PRAMEF15: variants seen among roughly 807,000 people sequenced by gnomAD.
PRAMEF15 encodes the protein PRAME family member 15.
In PRAMEF15, 21 loss-of-function variants were observed where a neutral mutation model predicts 35.3. That is an observed-to-expected ratio of 0.59 (90% CI 0.42 to 0.86). The LOEUF (loss-of-function observed/expected upper bound fraction) is 0.86, where lower values mean the gene tolerates loss of function less well. PRAMEF15 is among the 40% of genes least tolerant of loss of function. The pLI is 0.00. For missense variants in PRAMEF15, 360 were observed against 574.1 expected, an observed-to-expected ratio of 0.63 and a Z score of 3.81; for synonymous variants, 122 against 223.3, an observed-to-expected ratio of 0.55 and a Z score of 4.05.
At chr1:13,321,647 A>AC in intron 3 of PRAMEF15, 56 bp from the exon 4 acceptor site, 1 of 1,583,186 alleles carries the variant, frequency 6.3e-7, no homozygotes, top group South Asian at 1.1e-5. Flanking sequence ...ATTCCCCACC[A>AC]CCCTCCACTC....
In PRAMEF15 at chr1:13,315,636, C is replaced by G. The variant is rs1639992851; in HGVS notation, c.-39C>G. The G allele has an allele frequency of 6.6e-6, 1 of 151,534 alleles. No homozygotes were observed. The highest frequency in any genetic ancestry group is 1.5e-5 in the Non-Finnish European group (1 of 67,778). 9.4% of individuals were successfully genotyped at this position (151,534 alleles called of 1,614,324 possible). A position where few individuals can be genotyped will look rare whatever the true frequency, so the allele number is the denominator to read the frequency against. On this transcript the variant is annotated 5_prime_UTR_variant, in exon 1 of 4. Transcript: ENST00000376152. Reference sequence around the variant, plus strand: ...TTGGTTCTTCCTGAGGTCTGAGCACCTTCTAGACTACATCCAGATCTGGTA... The same window carrying G: ...TTGGTTCTTCCTGAGGTCTGAGCACGTTCTAGACTACATCCAGATCTGGTA...
At chr1:13,321,491 A>T (rs1211694463) in intron 3 of PRAMEF15, among the ~76,000 whole-genome samples, 2 of 151,976 alleles carry the variant, frequency 1.3e-5, no homozygotes, top group South Asian at 2.1e-4. Context: ...CTGGGATTAC[A>T]GGTGTGAGTT....
chr1:13,317,210 C>T (rs1389931597), intron 1 of PRAMEF15, among the ~76,000 whole-genome samples: 3 of 151,714 alleles, frequency 2.0e-5, no homozygotes, highest in East Asian at 1.9e-4. Context: ...GCTTGGACTA[C>T]AGGCGCAGAC....
chr1:13,318,373 T>C lies in PRAMEF15; in HGVS notation c.-16-19T>C. The C allele has an allele frequency of 6.3e-7, 1 of 1,584,406 alleles. No homozygotes were observed. The highest frequency in any genetic ancestry group is 1.1e-5 in the South Asian group (1 of 88,196). ...TGGCCTGAGAGTGATGCCTCTTCTC[T>C]GGGTTTGTCCTCTGGAAGTTTTCCC... On this transcript the variant is annotated intron_variant, in intron 1 of 3. Coordinates refer to ENST00000376152, the MANE Select transcript of PRAMEF15 (RefSeq NM_001098376.3).
At chr1:13,321,502 A>T (rs1194925527) in intron 3 of PRAMEF15, among the ~76,000 whole-genome samples, 4 of 151,898 alleles carry the variant, frequency 2.6e-5, no homozygotes, top group Non-Finnish European at 5.9e-5. Flanking sequence ...GGTGTGAGTT[A>T]CTGGGCCGGG....
chr1:13,321,115 T>G (rs1186354514), intron 3 of PRAMEF15, among the ~76,000 whole-genome samples: 1 of 151,836 alleles, frequency 6.6e-6, no homozygotes. Flanking sequence ...TGTGGTTTTC[T>G]GCCTGACAGA....
At chr1:13,315,773 T>C (rs1364916656) in intron 1 of PRAMEF15, 115 bp downstream of exon 1, 1 of 148,706 alleles carries the variant, frequency 6.7e-6, no homozygotes, top group Admixed American at 6.7e-5. Context: ...TTTTTTTTTT[T>C]TTTATATGAA....
At chr1:13,320,692 G>A (rs1317035347) in intron 3 of PRAMEF15, among the ~76,000 whole-genome samples, 2 of 152,170 alleles carry the variant, frequency 1.3e-5, no homozygotes, top group African/African-American at 2.4e-5. Flanking sequence ...CCAAAGTGCT[G>A]GGATTATAGG....
chr1:13,317,588 C>T (rs1417594557), intron 1 of PRAMEF15, among the ~76,000 whole-genome samples: 6 of 151,804 alleles, frequency 4.0e-5, no homozygotes, highest in African/African-American at 1.2e-4. Flanking sequence ...GACAACATAG[C>T]GAAATCCACT....
intron 1 of PRAMEF15, among the ~76,000 whole-genome samples, chr1:13,316,030 C>T (rs1272040552): frequency 6.6e-6 from 1 of 150,742 alleles, no homozygotes; most frequent in African/African-American, 2.5e-5. Flanking sequence ...GATGGAGTCT[C>T]ACTGTGTTGC....
At chr1:13,320,426 T>G (rs1640068783) in intron 3 of PRAMEF15, among the ~76,000 whole-genome samples, 1 of 151,906 alleles carries the variant, frequency 6.6e-6, no homozygotes, top group African/African-American at 2.4e-5. Context: ...ACAAACAAGA[T>G]AACTTTTTTT....
rs1187542344 is a variant in PRAMEF15 at position 13,319,170 on chromosome 1, G to C, written c.294-202G>C. Among the ~76,000 whole-genome samples, 10 of 151,046 alleles carry C rather than the reference G, an allele frequency of 6.6e-5. No individual in the cohort carries two copies. The South Asian group carries it at 2.1e-3, about 32-fold the overall frequency. ...CATCACACCACTGCACTCTAGCCTGGGCGACACAGGGAGACTTGGTCTCAA... is the reference window on the plus strand; with the variant it reads ...CATCACACCACTGCACTCTAGCCTGCGCGACACAGGGAGACTTGGTCTCAA... On this transcript the variant is annotated intron_variant, in intron 2 of 3. Transcript: ENST00000376152.
intron 3 of PRAMEF15, among the ~76,000 whole-genome samples, chr1:13,321,493 G>A (rs1640082682): frequency 6.6e-6 from 1 of 151,826 alleles, no homozygotes; most frequent in African/African-American, 2.4e-5. Context: ...GGGATTACAG[G>A]TGTGAGTTAC....
At position 13,322,506 on chromosome 1, in the gene PRAMEF15, G is replaced by C; in HGVS notation, c.*242G>C. On this transcript the variant is annotated 3_prime_UTR_variant, in exon 4 of 4. Transcript: ENST00000376152. ...TCGAAAATGGGAATCTGAATGTCTA[G>C]AGTGGAATTCAGGCTTGAGAATACA... is the stretch of plus-strand genomic sequence containing the variant. 1 of 639,620 alleles carries C rather than the reference G, an allele frequency of 1.6e-6. No homozygotes were observed. The highest frequency in any genetic ancestry group is 2.0e-5 in the South Asian group (1 of 49,438). The allele number at this position is 639,620 out of a possible 1,614,324, so 39.6% of individuals were successfully genotyped here.
intron 2 of PRAMEF15, among the ~76,000 whole-genome samples, 162 bp from the exon 3 acceptor site, chr1:13,319,210 A>C (rs1249770866): frequency 2.7e-5 from 4 of 150,566 alleles, no homozygotes; most frequent in Non-Finnish European, 5.9e-5. Context: ...AAAAAAAAAC[A>C]AAACAATGTG....
At chr1:13,316,065 T>C (rs1167026701) in intron 1 of PRAMEF15, among the ~76,000 whole-genome samples, 3 of 151,058 alleles carry the variant, frequency 2.0e-5, no homozygotes, top group Admixed American at 1.3e-4. Context: ...AGTGGCACGA[T>C]CTCAACTCCC....
chr1:13,320,951 A>T (rs1259924159), intron 3 of PRAMEF15, among the ~76,000 whole-genome samples: 1 of 152,078 alleles, frequency 6.6e-6, no homozygotes, highest in Non-Finnish European at 1.5e-5. Flanking sequence ...GTCAGGGAGC[A>T]GGCACAAAGA....
Position 13,322,009 on chromosome 1 carries a change from G to T in PRAMEF15, c.1182G>T (p.Met394Ile), listed in dbSNP as rs1450965804. The part of the protein sequence containing the change: ...TFSFCGNPIC[M>I]ATLENLLSHT... ...GCTTCTGTGGAAATCCCATCTGCAT[G>T]GCCACCCTGGAGAACCTGCTGAGCC... Residue 394 changes from methionine (M) to isoleucine (I), a missense_variant, in exon 4 of 4, where the codon ATG becomes ATT. Transcript: ENST00000376152. 3 of 1,609,698 alleles carry T rather than the reference G, an allele frequency of 1.9e-6. No individual in the cohort carries two copies. Among genetic ancestry groups the T allele is most frequent in the Non-Finnish European group, 2.5e-6 (3 of 1,178,826 alleles).
At chr1:13,315,782 A>G (rs1639995201) in intron 1 of PRAMEF15, 124 bp downstream of exon 1, 2 of 147,764 alleles carry the variant, frequency 1.4e-5, no homozygotes, top group African/African-American at 2.5e-5. Context: ...TTTTTATATG[A>G]ACAATTGGAA....
Sources: allele counts gnomAD v4.1 joint callset (sites outside exome capture counted in the v4.1 genomes callset), GRCh38; gene constraint gnomAD v4.1.1; transcripts MANE v1.5; gene names NCBI Gene and HGNC (gene_info 2026-07-23, HGNC 2026-07-21).